The following EIF2AK4 variants were observed in gnomAD, a reference collection of about 807,000 sequenced individuals.
EIF2AK4 encodes eIF-2-alpha kinase GCN2.
A neutral mutation model predicts 211.1 loss-of-function variants in EIF2AK4; 139 were observed. That is an observed-to-expected ratio of 0.66 (90% CI 0.57 to 0.76). EIF2AK4 has a LOEUF of 0.76. EIF2AK4 is among the 30% of genes least tolerant of loss of function. The pLI is 0.00. For synonymous variants in EIF2AK4, 710 were observed against 751.3 expected (o/e 0.94, Z 0.90); for missense variants, 1,664 against 2,043.8 (o/e 0.81, Z 3.58).
intron 23 of EIF2AK4, among the ~76,000 whole-genome samples, chr15:40,004,895 A>G (rs1235497016): frequency 6.6e-6 from 1 of 152,150 alleles, no homozygotes; most frequent in Non-Finnish European, 1.5e-5. Flanking sequence ...TATTTTTTAT[A>G]TATGTATAAG....
intron 29 of EIF2AK4, among the ~76,000 whole-genome samples, chr15:40,017,558 T>TATATG (rs1555422343): frequency 7.8e-6 from 1 of 127,994 alleles, no homozygotes; most frequent in Non-Finnish European, 1.6e-5. Flanking sequence ...TATATATGTA[T>TATATG]TTTGGAGACA....
intron 18 of EIF2AK4, among the ~76,000 whole-genome samples, chr15:39,993,333 T>A (rs2034977065): frequency 6.6e-6 from 1 of 152,150 alleles, no homozygotes; most frequent in African/African-American, 2.4e-5. Flanking sequence ...CACTGGTGGA[T>A]GAAACAGACA....
intron 26 of EIF2AK4, 69 bp downstream of exon 26, chr15:40,009,799 C>T (rs2035212007): frequency 3.5e-6 from 4 of 1,138,940 alleles, no homozygotes; most frequent in African/African-American, 3.2e-5. Context: ...ATAATAGTTC[C>T]TGATGATTTT....
chr15:39,952,913 T>C (rs12439335), intron 4 of EIF2AK4, among the ~76,000 whole-genome samples: 47,651 of 152,014 alleles, frequency 0.31, 7,580 homozygotes, highest in Non-Finnish European at 0.35. Context: ...AGTGGTATGA[T>C]ACTGGCTTAC....
At chr15:39,979,772 G>C (rs1233171638) in intron 13 of EIF2AK4, among the ~76,000 whole-genome samples, 1 of 152,132 alleles carries the variant, frequency 6.6e-6, no homozygotes, top group Non-Finnish European at 1.5e-5. Context: ...AGTTTCACAG[G>C]CATTACTTTT....
chr15:39,973,525 G>A lies in EIF2AK4; in HGVS notation c.1661-67G>A, dbSNP rs2034652220. 4 of 1,461,390 alleles carry A rather than the reference G, an allele frequency of 2.7e-6. 1 individual carries two copies. In the South Asian group the frequency reaches 5.4e-5, roughly 20 times the overall value. The allele number at this position is 1,461,390 out of a possible 1,614,324, so 90.5% of individuals were successfully genotyped here. On this transcript the variant is annotated intron_variant, in intron 10 of 38. Coordinates refer to ENST00000263791, the MANE Select transcript of EIF2AK4 (RefSeq NM_001013703.4). ...CTCTTCTTCCAGGGCTTCCATCATT[G>A]TTGGCTATGTAGCTCTTCCTAAATT...
In EIF2AK4 at chr15:39,944,175, C is replaced by G. The variant is rs535400; in HGVS notation, c.360+690C>G. On this transcript the variant is annotated intron_variant, in intron 3 of 38. Coordinates refer to ENST00000263791, the MANE Select transcript of EIF2AK4 (RefSeq NM_001013703.4). Reference sequence around the variant, plus strand: ...GTGACACACTCTACTCCTTCAGTGTCTGTCATATACCTGAGCATTTACACT... The same window carrying G: ...GTGACACACTCTACTCCTTCAGTGTGTGTCATATACCTGAGCATTTACACT... Among the ~76,000 whole-genome samples the G allele has an allele frequency of 8.1e-3, 1,238 of 152,246 alleles. 17 individuals are homozygous for G. Among genetic ancestry groups the G allele is most frequent in the African/African-American group, 0.029 (1,190 of 41,526 alleles).
chr15:39,956,668 G>A (rs1260537364), intron 6 of EIF2AK4, among the ~76,000 whole-genome samples: 1 of 152,096 alleles, frequency 6.6e-6, no homozygotes, highest in Non-Finnish European at 1.5e-5. Flanking sequence ...ATTTGCTGTG[G>A]CCCCCTGTAC....
At chr15:40,018,604 G>C (rs991666927) in intron 29 of EIF2AK4, among the ~76,000 whole-genome samples, 6 of 152,084 alleles carry the variant, frequency 3.9e-5, no homozygotes, top group African/African-American at 1.4e-4. Flanking sequence ...TTGCGGGTGT[G>C]AGCCACCACA....
At chr15:40,007,176 T>G in intron 24 of EIF2AK4, 111 bp downstream of exon 24, 1 of 1,018,430 alleles carries the variant, frequency 9.8e-7, no homozygotes, top group Non-Finnish European at 1.4e-6. Flanking sequence ...TTAAGAATTC[T>G]GGGTTCAGAA....
At chr15:39,948,090 C>T (rs987243229) in intron 3 of EIF2AK4, among the ~76,000 whole-genome samples, 6 of 152,124 alleles carry the variant, frequency 3.9e-5, no homozygotes, top group Non-Finnish European at 8.8e-5. Flanking sequence ...CAGTAAATGC[C>T]ACAGCTTCTG....
intron 4 of EIF2AK4, among the ~76,000 whole-genome samples, chr15:39,950,214 T>C (rs915295102): frequency 6.6e-6 from 1 of 152,178 alleles, no homozygotes; most frequent in Non-Finnish European, 1.5e-5. Flanking sequence ...TTTAATGTAT[T>C]TTAATATTAA....
chr15:39,964,532 C>T (rs893258265), intron 7 of EIF2AK4, among the ~76,000 whole-genome samples: 3 of 152,058 alleles, frequency 2.0e-5, no homozygotes, highest in Non-Finnish European at 4.4e-5. Context: ...GTGCACAAAA[C>T]AGCTGCCTAC....
chr15:39,988,381 C>A (rs1477489041), intron 15 of EIF2AK4, among the ~76,000 whole-genome samples: 1 of 152,224 alleles, frequency 6.6e-6, no homozygotes, highest in Non-Finnish European at 1.5e-5. Context: ...AACCCACTGC[C>A]TGTTCTTGTA....
intron 13 of EIF2AK4, among the ~76,000 whole-genome samples, chr15:39,984,217 G>A (rs953081971): frequency 6.6e-6 from 1 of 152,174 alleles, no homozygotes; most frequent in East Asian, 1.9e-4. Flanking sequence ...CTATATTTCT[G>A]TTTTAGTACC....
chr15:39,952,817 T>A (rs1431230929), intron 4 of EIF2AK4, among the ~76,000 whole-genome samples: 1 of 152,118 alleles, frequency 6.6e-6, no homozygotes, highest in Admixed American at 6.5e-5. Flanking sequence ...TAGTTATTGT[T>A]GGGAGTTTGT....
In EIF2AK4 at chr15:40,017,501, CTATATATATATATATATATATATATATA is replaced by C. The variant is rs202237104; in HGVS notation, c.4065+285_4065+312del. Among the ~76,000 whole-genome samples, 83 of 26,126 alleles carry C rather than the reference CTATATATATATATATATATATATATATA, an allele frequency of 3.2e-3. 7 individuals carry two copies. The highest frequency in any genetic ancestry group is 5.4e-3 in the East Asian group (6 of 1,118). 17.1% of individuals were successfully genotyped at this position (26,126 alleles called of 152,430 possible). A position where few individuals can be genotyped will look rare whatever the true frequency, so the allele number is the denominator to read the frequency against. ...GGCTCATGTACCCTTTACTCTGTTT[CTATATATATATATATATATATATATATA>C]TATATATATATATATATATATATAT... is the stretch of plus-strand genomic sequence containing the variant. On this transcript the variant is annotated intron_variant, in intron 29 of 38. Coordinates refer to ENST00000263791, the MANE Select transcript of EIF2AK4 (RefSeq NM_001013703.4).
chr15:40,017,938 C>T (rs2035332685), intron 29 of EIF2AK4, among the ~76,000 whole-genome samples: 1 of 152,120 alleles, frequency 6.6e-6, no homozygotes, highest in Non-Finnish European at 1.5e-5. Flanking sequence ...CGTGTACTTT[C>T]CCTCAACAAC....
intron 13 of EIF2AK4, among the ~76,000 whole-genome samples, chr15:39,979,529 G>A (rs1198380645): frequency 6.6e-6 from 1 of 152,204 alleles, no homozygotes; most frequent in Non-Finnish European, 1.5e-5. Flanking sequence ...TTTATTCAAA[G>A]AGGGGAGCTT....
Sources: gnomAD v4.1 joint callset for allele counts (sites outside exome capture counted in the v4.1 genomes callset) on GRCh38, gnomAD v4.1.1 for gene constraint, MANE v1.5 for transcripts, NCBI Gene and HGNC (gene_info 2026-07-23, HGNC 2026-07-21) for gene names.